MAP4: variants seen among roughly 807,000 people sequenced by gnomAD.
The protein encoded by MAP4 is microtubule-associated protein 4.
In MAP4, 76 loss-of-function variants were observed where a neutral mutation model predicts 170.2. The observed-to-expected ratio is 0.45, with a 90% CI of 0.37 to 0.54. The LOEUF (loss-of-function observed/expected upper bound fraction) is 0.54, where lower values mean the gene tolerates loss of function less well. Ranked by LOEUF, MAP4 falls within the 20% of genes least tolerant of loss-of-function variation. The pLI is 0.00. For missense variants in MAP4, 2,506 were observed against 2,748.0 expected (o/e 0.91, Z 1.97); for synonymous variants, 909 against 994.5 (o/e 0.91, Z 1.62).
chr3:47,865,262 GTC>G (rs2077382535), intron 17 of MAP4, among the ~76,000 whole-genome samples: 1 of 152,178 alleles, frequency 6.6e-6, no homozygotes, highest in Non-Finnish European at 1.5e-5. Context: ...ATATCTCTAT[GTC>G]TCACCTACAC....
At chr3:48,025,967 C>T (rs1238194983) in intron 1 of MAP4, among the ~76,000 whole-genome samples, 1 of 147,788 alleles carries the variant, frequency 6.8e-6, no homozygotes, top group Non-Finnish European at 1.5e-5. Flanking sequence ...GACTTAGAGG[C>T]TCCTGGACTA....
chr3:47,931,242 A>C (rs531041392), intron 3 of MAP4, among the ~76,000 whole-genome samples: 31 of 152,142 alleles, frequency 2.0e-4, no homozygotes, highest in South Asian at 1.7e-3. Context: ...TTAGCCAAGC[A>C]TGGTGACGAG....
At position 47,973,198 on chromosome 3, in the gene MAP4, G is replaced by A. The variant is rs960298682; in HGVS notation, c.292+4667C>T. 28 of 981,000 alleles carry A rather than the reference G, an allele frequency of 2.9e-5. No individual in the cohort carries two copies. In the East Asian group the frequency reaches 4.6e-4, roughly 16 times the overall value. The allele number at this position is 981,000 out of a possible 1,614,324, so 60.8% of individuals were successfully genotyped here. On this transcript the variant is annotated intron_variant, in intron 3 of 20. Transcript: ENST00000683076. ...ACAAAAAATACAAACTTAGGTATAC[G>A]AATGAAATTATAAAAACATTATTTA...
intron 1 of MAP4, among the ~76,000 whole-genome samples, chr3:48,055,356 A>G (rs1006140173): frequency 6.6e-6 from 1 of 152,112 alleles, no homozygotes; most frequent in African/African-American, 2.4e-5. Context: ...CTGCGATTGC[A>G]GGCCCGCGCC....
At chr3:48,042,218 C>T (rs527238709) in intron 1 of MAP4, among the ~76,000 whole-genome samples, 1 of 152,262 alleles carries the variant, frequency 6.6e-6, no homozygotes, top group South Asian at 2.1e-4. Context: ...GGAAACTGAG[C>T]CCTCAACCTG....
chr3:48,051,059 C>T (rs1383106731), intron 1 of MAP4, among the ~76,000 whole-genome samples: 3 of 151,506 alleles, frequency 2.0e-5, no homozygotes, highest in African/African-American at 7.3e-5. Context: ...TATGCAAATG[C>T]TAATCAAATC....
At chr3:48,065,043 C>A (rs1398550398) in intron 1 of MAP4, among the ~76,000 whole-genome samples, 1 of 152,128 alleles carries the variant, frequency 6.6e-6, no homozygotes. Flanking sequence ...GGCAGGAGGA[C>A]TGCTTGAACC....
intron 3 of MAP4, among the ~76,000 whole-genome samples, chr3:47,958,823 A>G (rs1425887312): frequency 6.6e-6 from 1 of 151,676 alleles, no homozygotes; most frequent in Non-Finnish European, 1.5e-5. Flanking sequence ...AGCTGGGTCT[A>G]TAGGCGTGCA....
intron 10 of MAP4, 76 bp from the exon 11 acceptor site, chr3:47,877,599 A>G (rs1462579515): frequency 3.1e-6 from 3 of 967,038 alleles, no homozygotes; most frequent in South Asian, 3.0e-5. Context: ...AAGGTTTAGC[A>G]AAGACAGACC....
intron 3 of MAP4, among the ~76,000 whole-genome samples, chr3:47,937,656 C>CTTTTTTTTTTTT (rs71070243): frequency 4.1e-4 from 44 of 107,906 alleles, no homozygotes; most frequent in Non-Finnish European, 4.7e-4. Flanking sequence ...TTTTCTTCTT[C>CTTTTTTTTTTTT]TTTTTTTTTT....
chr3:47,887,510 C>T (rs1047336909), intron 10 of MAP4, among the ~76,000 whole-genome samples: 2 of 152,202 alleles, frequency 1.3e-5, no homozygotes, highest in Non-Finnish European at 2.9e-5. Flanking sequence ...GCTCCTGTGC[C>T]GCCCGAGCCT....
chr3:47,896,143 C>G (rs1311966317), intron 10 of MAP4, among the ~76,000 whole-genome samples: 1 of 151,988 alleles, frequency 6.6e-6, no homozygotes, highest in Non-Finnish European at 1.5e-5. Flanking sequence ...AACACATAGC[C>G]GTGAGGATTG....
intron 10 of MAP4, chr3:47,892,530 A>T (rs2100024566): frequency 2.0e-6 from 3 of 1,483,306 alleles, no homozygotes; most frequent in Non-Finnish European, 1.8e-6. Flanking sequence ...TCGCTCCTGG[A>T]GCTCTAATAC....
At chr3:47,992,701 A>T (rs1302613386) in intron 2 of MAP4, among the ~76,000 whole-genome samples, 1 of 152,080 alleles carries the variant, frequency 6.6e-6, no homozygotes, top group East Asian at 1.9e-4. Context: ...AAAATAACTC[A>T]TACTCCAGCC....
rs147442119 is a variant in MAP4 at position 47,857,023 on chromosome 3, G to A, written c.6583+408C>T. 5.9e-5 allele frequency among the ~76,000 whole-genome samples: 9 copies of A among 152,354 alleles called. No individual in the cohort carries two copies. In the East Asian group the frequency reaches 1.7e-3, roughly 29 times the overall value. On this transcript the variant is annotated intron_variant, in intron 18 of 20. Coordinates refer to ENST00000683076, the MANE Select transcript of MAP4 (RefSeq NM_001385682.1). ...CAGGGCTAGCGGCTGATGCTTCACT[G>A]GTTGGGAGCACCCTTTGCTCCTGCA...
At chr3:48,017,931 A>T (rs2100108612), upstream of MAP4, among the ~76,000 whole-genome samples, 1 of 152,098 alleles carries the variant, frequency 6.6e-6, no homozygotes, top group Non-Finnish European at 1.5e-5. Context: ...GAGGGAGGAG[A>T]TGGTTTCGGG....
At chr3:48,007,174 T>C (rs952588330) in intron 1 of MAP4, among the ~76,000 whole-genome samples, 2 of 152,218 alleles carry the variant, frequency 1.3e-5, no homozygotes, top group African/African-American at 2.4e-5. Flanking sequence ...ACTGGACTTA[T>C]TGGTGTGACA....
chr3:48,038,565 A>G (rs1020820656), intron 1 of MAP4, among the ~76,000 whole-genome samples: 1 of 145,464 alleles, frequency 6.9e-6, no homozygotes, highest in African/African-American at 2.6e-5. Flanking sequence ...GGTTCATGCC[A>G]TTCTCCCGCC....
At chr3:47,975,688 G>A (rs2100081669) in intron 3 of MAP4, among the ~76,000 whole-genome samples, 5 of 152,096 alleles carry the variant, frequency 3.3e-5, no homozygotes, top group African/African-American at 1.2e-4. Context: ...GGTAGTGATG[G>A]CCAAATTAGA....
Sources: allele counts gnomAD v4.1 joint callset (sites outside exome capture counted in the v4.1 genomes callset), GRCh38; gene constraint gnomAD v4.1.1; transcripts MANE v1.5; gene names NCBI Gene and HGNC (gene_info 2026-07-23, HGNC 2026-07-21).